PKIB: variants seen among roughly 807,000 people sequenced by gnomAD.
PKIB encodes PKI-beta.
Under a neutral mutation model 4.5 loss-of-function variants are expected in PKIB, and 2 were observed. The observed-to-expected ratio is 0.44, with a 90% CI of 0.18 to 1.39. The LOEUF is 1.39. PKIB is among the 40% of genes most tolerant of loss of function. The pLI, the probability that PKIB is intolerant of heterozygous loss-of-function variation, is 0.27. For synonymous variants in PKIB, 38 were observed against 36.0 expected (o/e 1.06, Z -0.20); for missense variants, 94 against 92.6 (o/e 1.02, Z -0.06).
chr6:122,603,978 A>T (rs1372157850), intron 3 of PKIB, among the ~76,000 whole-genome samples: 1 of 152,176 alleles, frequency 6.6e-6, no homozygotes, highest in East Asian at 1.9e-4. Flanking sequence ...GTGTGTACTT[A>T]TGGTCAAATA....
At chr6:122,483,215 C>G (rs1175156557) in intron 2 of PKIB, 1 of 151,998 alleles carries the variant, frequency 6.6e-6, no homozygotes, top group African/African-American at 2.4e-5. Context: ...TTTCAGTATA[C>G]AGCATAAAGA....
rs545343205 is a variant in PKIB, at chr6:122,574,495, A to AC, written c.-247-11423dup. ...AGAACAAATCTAGAAGCATCACATT[A>AC]CCCAACTTTAAATTATACTACAGGG... is the stretch of plus-strand genomic sequence containing the variant. On this transcript the variant is annotated intron_variant, in intron 2 of 6. Coordinates refer to the PKIB transcript ENST00000392491. 1.6e-3 allele frequency among the ~76,000 whole-genome samples: 241 copies of AC among 152,300 alleles called. 3 individuals carry two copies. The highest frequency in any genetic ancestry group is 0.014 in the Admixed American group (215 of 15,304).
chr6:122,603,287 T>G (rs1774433474), intron 3 of PKIB, among the ~76,000 whole-genome samples: 2 of 152,318 alleles, frequency 1.3e-5, no homozygotes, highest in South Asian at 4.1e-4. Flanking sequence ...ACTGGAGTTC[T>G]GATAAAATGT....
chr6:122,588,937 T>C (rs1206680424), intron 3 of PKIB, among the ~76,000 whole-genome samples: 3 of 152,116 alleles, frequency 2.0e-5, no homozygotes, highest in Non-Finnish European at 4.4e-5. Flanking sequence ...CTGCAATGTG[T>C]TTTCCATCAG....
intron 2 of PKIB, among the ~76,000 whole-genome samples, chr6:122,522,208 TTTAA>T (rs1776967158): frequency 6.6e-6 from 1 of 152,096 alleles, no homozygotes; most frequent in South Asian, 2.1e-4. Flanking sequence ...AGCACATTTA[TTTAA>T]GAATGTATTC....
intron 4 of PKIB, among the ~76,000 whole-genome samples, chr6:122,724,587 C>T (rs1030602081): frequency 2.0e-5 from 3 of 152,160 alleles, no homozygotes; most frequent in African/African-American, 4.8e-5. Flanking sequence ...AGAATAAGCA[C>T]AGATCACGGG....
chr6:122,561,398 G>T (rs1773007331), intron 2 of PKIB, among the ~76,000 whole-genome samples: 1 of 152,008 alleles, frequency 6.6e-6, no homozygotes, highest in Admixed American at 6.6e-5. Context: ...ACTGTGGTCT[G>T]AGAGAGTGCT....
intron 2 of PKIB, chr6:122,481,646 C>T (rs1016342512): frequency 2.6e-5 from 4 of 152,032 alleles, no homozygotes; most frequent in African/African-American, 9.7e-5. Context: ...TATTCTCAAA[C>T]GGTTTACAAA....
At chr6:122,549,871 A>T (rs1464136804) in intron 2 of PKIB, among the ~76,000 whole-genome samples, 1 of 143,836 alleles carries the variant, frequency 7.0e-6, no homozygotes, top group Non-Finnish European at 1.5e-5. Context: ...TATGTATATA[A>T]AAATATATAA....
At chr6:122,671,746 ATTTACATG>A (rs1432731701) in intron 2 of PKIB, among the ~76,000 whole-genome samples, 3 of 152,196 alleles carry the variant, frequency 2.0e-5, no homozygotes, top group Admixed American at 2.0e-4. Flanking sequence ...AGTGTATGGC[ATTTACATG>A]TTATTTATCT....
At chr6:122,708,286 T>C (rs1779140151) in intron 3 of PKIB, among the ~76,000 whole-genome samples, 1 of 152,190 alleles carries the variant, frequency 6.6e-6, no homozygotes, top group African/African-American at 2.4e-5. Flanking sequence ...CTGTCAATAT[T>C]ATCTTTTGTG....
At chr6:122,595,459 C>T (rs1471460910) in intron 3 of PKIB, among the ~76,000 whole-genome samples, 3 of 152,156 alleles carry the variant, frequency 2.0e-5, no homozygotes, top group Non-Finnish European at 2.9e-5. Context: ...TGTGGAATAT[C>T]ATGACAGTGG....
chr6:122,506,694 ATTT>A lies in PKIB; in HGVS notation c.-248+28776_-248+28778del, dbSNP rs35341464. Among the ~76,000 whole-genome samples the A allele has an allele frequency of 3.3e-3, 388 of 116,544 alleles. 2 individuals are homozygous for A. The East Asian group carries it at 0.045, about 13-fold the overall frequency. 76.5% of individuals were successfully genotyped at this position (116,544 alleles called of 152,430 possible). A position where few individuals can be genotyped will look rare whatever the true frequency, so the allele number is the denominator to read the frequency against. On this transcript the variant is annotated intron_variant, in intron 2 of 6. Transcript: ENST00000392491. ...TAGTACCAGTGTGATTGGAGATGTA[ATTT>A]TTTTTTTTTTTTTTTTTTTTGAGAC...
chr6:122,674,913 A>C, intron 2 of PKIB, among the ~76,000 whole-genome samples, 165 bp from the exon 3 acceptor site: 1 of 152,110 alleles, frequency 6.6e-6, no homozygotes. Flanking sequence ...TTAATAGAAA[A>C]TTTTATGTTT....
intron 2 of PKIB, among the ~76,000 whole-genome samples, chr6:122,580,391 A>G (rs571500971): frequency 3.1e-4 from 47 of 152,304 alleles, no homozygotes; most frequent in African/African-American, 1.1e-3. Context: ...GTTTTTATCT[A>G]TTATATTAAA....
In PKIB at chr6:122,614,837, C is replaced by A. The variant is rs576058886; in HGVS notation, c.-161+4302C>A. ...GTGTGTGTAAAGAGGGCTTACAACTCATGCAATTACATTAGTGTATTACAT... is the reference window on the plus strand; with the variant it reads ...GTGTGTGTAAAGAGGGCTTACAACTAATGCAATTACATTAGTGTATTACAT... On this transcript the variant is annotated intron_variant, in intron 1 of 4. Transcript: ENST00000368452. 3.3e-5 allele frequency among the ~76,000 whole-genome samples: 5 copies of A among 152,196 alleles called. No individual in the cohort carries two copies. In the East Asian group the frequency reaches 9.6e-4, roughly 29 times the overall value.
Position 122,527,576 on chromosome 6 carries a change from G to C in PKIB, c.-248+49637G>C, listed in dbSNP as rs905195472. Among the ~76,000 whole-genome samples the C allele has an allele frequency of 7.9e-5, 12 of 152,274 alleles. No homozygotes were observed. The South Asian group carries it at 2.3e-3, about 29-fold the overall frequency. On this transcript the variant is annotated intron_variant, in intron 2 of 6. Transcript: ENST00000392491. ...GAGATAAGGGATTAACTGGTCAGCAGAGCAGTCAGAACATATACAACATTT... is the reference window on the plus strand; with the variant it reads ...GAGATAAGGGATTAACTGGTCAGCACAGCAGTCAGAACATATACAACATTT...
intron 3 of PKIB, among the ~76,000 whole-genome samples, chr6:122,676,264 A>C (rs375682662): frequency 1.4e-4 from 21 of 152,002 alleles, no homozygotes; most frequent in East Asian, 9.7e-4. Context: ...CTCCTATGGG[A>C]ATCTAATGCT....
chr6:122,618,848 A>C (rs1775097794), intron 1 of PKIB, among the ~76,000 whole-genome samples: 1 of 152,132 alleles, frequency 6.6e-6, no homozygotes, highest in African/African-American at 2.4e-5. Context: ...GAATTGCTGC[A>C]TCAGAGGATG....
Sources: allele counts gnomAD v4.1 joint callset (sites outside exome capture counted in the v4.1 genomes callset), GRCh38; gene constraint gnomAD v4.1.1; transcripts MANE v1.5; gene names NCBI Gene and HGNC (gene_info 2026-07-23, HGNC 2026-07-21).